Variants in WWC1 observed in about 807,000 individuals in gnomAD.
The protein encoded by WWC1 is protein KIBRA.
Under a neutral mutation model 138.4 loss-of-function variants are expected in WWC1, and 55 were observed. The observed-to-expected ratio is 0.40, with a 90% CI of 0.32 to 0.50. The LOEUF (loss-of-function observed/expected upper bound fraction) is 0.50, where lower values mean the gene tolerates loss of function less well. Ranked by LOEUF, WWC1 falls within the 20% of genes least tolerant of loss-of-function variation. WWC1 has a pLI of 0.72. For missense variants in WWC1, 1,226 were observed against 1,420.4 expected, an observed-to-expected ratio of 0.86 and a Z score of 2.20; for synonymous variants, 524 against 564.9, an observed-to-expected ratio of 0.93 and a Z score of 1.03.
At chr5:168,398,730 G>A (rs1308877948) in intron 4 of WWC1, among the ~76,000 whole-genome samples, 1 of 152,186 alleles carries the variant, frequency 6.6e-6, no homozygotes, top group East Asian at 1.9e-4. Flanking sequence ...AGACATAAAT[G>A]AGGGATGTGG....
At chr5:168,419,016 A>G (rs888314746) in intron 9 of WWC1, among the ~76,000 whole-genome samples, 4 of 152,116 alleles carry the variant, frequency 2.6e-5, no homozygotes, top group Non-Finnish European at 5.9e-5. Flanking sequence ...CTGTGATTTC[A>G]CGGATTTAGT....
intron 1 of WWC1, among the ~76,000 whole-genome samples, chr5:168,314,346 T>G (rs892215480): frequency 2.0e-5 from 3 of 151,988 alleles, no homozygotes; most frequent in Admixed American, 2.0e-4. Flanking sequence ...GGCGGGTGGA[T>G]CACCTGAGGT....
At chr5:168,388,871 A>G (rs1778243550) in intron 3 of WWC1, among the ~76,000 whole-genome samples, 1 of 151,932 alleles carries the variant, frequency 6.6e-6, no homozygotes, top group African/African-American at 2.4e-5. Context: ...ATAATTGTCG[A>G]TGACACATTG....
At chr5:168,449,754 G>A (rs1419955594) in intron 17 of WWC1, among the ~76,000 whole-genome samples, 1 of 151,958 alleles carries the variant, frequency 6.6e-6, no homozygotes, top group African/African-American at 2.4e-5. Context: ...TGTATTTTTA[G>A]TAGAGATGGG....
At chr5:168,303,694 G>T (rs1326812625) in intron 1 of WWC1, among the ~76,000 whole-genome samples, 1 of 152,146 alleles carries the variant, frequency 6.6e-6, no homozygotes, top group Non-Finnish European at 1.5e-5. Flanking sequence ...AGAATGTATA[G>T]AATTTGTATT....
chr5:168,360,249 G>A (rs548218322), intron 1 of WWC1, among the ~76,000 whole-genome samples: 5 of 152,304 alleles, frequency 3.3e-5, no homozygotes, highest in South Asian at 4.1e-4. Context: ...CAGAGTTTCA[G>A]AAAATGCTGA....
At chr5:168,459,587 C>T (rs1467209673) in intron 19 of WWC1, among the ~76,000 whole-genome samples, 6 of 152,204 alleles carry the variant, frequency 3.9e-5, no homozygotes, top group African/African-American at 1.4e-4. Flanking sequence ...GTAGCAGGTG[C>T]TCTATCCATG....
chr5:168,325,225 C>T (rs889411485), intron 1 of WWC1, among the ~76,000 whole-genome samples: 6 of 152,186 alleles, frequency 3.9e-5, no homozygotes, highest in African/African-American at 1.2e-4. Context: ...CCAACAGCTC[C>T]CACAGGGTAC....
At chr5:168,355,572 G>C (rs1293871403) in intron 1 of WWC1, among the ~76,000 whole-genome samples, 2 of 151,726 alleles carry the variant, frequency 1.3e-5, no homozygotes, top group African/African-American at 4.8e-5. Flanking sequence ...TGTGTAGACA[G>C]GGACAGGTAA....
At chr5:168,386,748 ACCTC>A (rs1404628502) in intron 3 of WWC1, among the ~76,000 whole-genome samples, 1 of 150,690 alleles carries the variant, frequency 6.6e-6, no homozygotes, top group African/African-American at 2.5e-5. Flanking sequence ...TGTAACCTCC[ACCTC>A]CCGGGTTCCA....
rs115790503 is a variant in WWC1, at chr5:168,353,903, C to T, written c.120-17521C>T. ...ATTTGGAACGATGTCTTCATTCCTC[C>T]ATATACATGATCATGGATGAATGAA... On this transcript the variant is annotated intron_variant, in intron 1 of 22. Transcript: ENST00000265293. Among the ~76,000 whole-genome samples, 206 of 152,326 alleles carry T rather than the reference C, an allele frequency of 1.4e-3. 1 individual carries two copies. The highest frequency in any genetic ancestry group is 4.8e-3 in the African/African-American group (198 of 41,556).
chr5:168,329,480 G>A (rs1772847412), intron 1 of WWC1, among the ~76,000 whole-genome samples: 1 of 149,150 alleles, frequency 6.7e-6, no homozygotes, highest in African/African-American at 2.4e-5. Flanking sequence ...TTACTTTTGT[G>A]TTGTAAATCC....
chr5:168,388,833 A>G (rs1005867794), intron 3 of WWC1, among the ~76,000 whole-genome samples: 2 of 151,924 alleles, frequency 1.3e-5, no homozygotes, highest in Non-Finnish European at 2.9e-5. Context: ...CCATCTCAAA[A>G]AAAAAAACAA....
At chr5:168,347,612 G>A (rs192015844) in intron 1 of WWC1, among the ~76,000 whole-genome samples, 5 of 152,318 alleles carry the variant, frequency 3.3e-5, no homozygotes, top group Admixed American at 2.0e-4. Context: ...TGGGCACAGC[G>A]CTTGGGTTCC....
At chr5:168,354,160 C>T (rs562450525) in intron 1 of WWC1, among the ~76,000 whole-genome samples, 1 of 151,956 alleles carries the variant, frequency 6.6e-6, no homozygotes, top group African/African-American at 2.4e-5. Context: ...AAGCGATTCT[C>T]CTGCCTCAGC....
At chr5:168,365,404 C>G (rs1776209720) in intron 1 of WWC1, among the ~76,000 whole-genome samples, 1 of 152,158 alleles carries the variant, frequency 6.6e-6, no homozygotes, top group African/African-American at 2.4e-5. Context: ...CTGTGGGAAG[C>G]TGGGACTTGC....
intron 1 of WWC1, among the ~76,000 whole-genome samples, chr5:168,358,648 G>A (rs1582027220): frequency 1.3e-5 from 2 of 152,266 alleles, no homozygotes; most frequent in Admixed American, 1.3e-4. Context: ...TAATAATACT[G>A]TGTATAAGAT....
At chr5:168,366,622 G>C (rs1319310885) in intron 1 of WWC1, among the ~76,000 whole-genome samples, 1 of 152,048 alleles carries the variant, frequency 6.6e-6, no homozygotes, top group Non-Finnish European at 1.5e-5. Flanking sequence ...ACTGATGCTT[G>C]GAGCGAATAA....
chr5:168,396,239 C>T (rs771790737), intron 3 of WWC1, among the ~76,000 whole-genome samples: 11 of 152,080 alleles, frequency 7.2e-5, no homozygotes, highest in African/African-American at 1.9e-4. Flanking sequence ...CAAAATTATC[C>T]GGGCATGGTG....
Sources: gnomAD v4.1 joint callset for allele counts (sites outside exome capture counted in the v4.1 genomes callset) on GRCh38, gnomAD v4.1.1 for gene constraint, MANE v1.5 for transcripts, NCBI Gene and HGNC (gene_info 2026-07-23, HGNC 2026-07-21) for gene names.